Variants in SRRM4 observed in about 807,000 individuals in gnomAD.
SRRM4 encodes the protein serine/arginine repetitive matrix 4.
SRRM4 carries 33 observed loss-of-function variants against 68.9 expected under a neutral mutation model. The observed-to-expected ratio is 0.48, with a 90% CI of 0.36 to 0.64. The LOEUF is 0.64. Among genes scored for constraint, SRRM4 ranks in the 30% least tolerant of loss-of-function variants. The pLI, the probability that SRRM4 is intolerant of heterozygous loss-of-function variation, is 0.00. For missense variants in SRRM4, 817 were observed against 827.1 expected, an observed-to-expected ratio of 0.99 and a Z score of 0.15; for synonymous variants, 318 against 318.8, an observed-to-expected ratio of 1.00 and a Z score of 0.03.
At chr12:119,072,690 A>G (rs572567176) in intron 1 of SRRM4, among the ~76,000 whole-genome samples, 2 of 152,348 alleles carry the variant, frequency 1.3e-5, no homozygotes, top group South Asian at 4.1e-4. Context: ...AGTTATAGGC[A>G]GGTGGCTGGC....
At chr12:119,136,857 C>T (rs12229183) in intron 8 of SRRM4, among the ~76,000 whole-genome samples, 3 of 151,900 alleles carry the variant, frequency 2.0e-5, no homozygotes, top group Admixed American at 1.3e-4. Context: ...GGAGGCCAGA[C>T]CACCTCTGCC....
intron 1 of SRRM4, among the ~76,000 whole-genome samples, chr12:119,090,790 C>G (rs1319046652): frequency 6.6e-6 from 1 of 152,254 alleles, no homozygotes; most frequent in East Asian, 1.9e-4. Flanking sequence ...CAAAGGCTGG[C>G]CCAGCTCTGA....
intron 8 of SRRM4, among the ~76,000 whole-genome samples, chr12:119,134,008 G>A (rs1954312927): frequency 6.6e-6 from 1 of 152,092 alleles, no homozygotes; most frequent in Admixed American, 6.6e-5. Flanking sequence ...CAATGAAGGG[G>A]GAAAATAAAG....
chr12:119,043,229 G>A (rs979709971), intron 1 of SRRM4, among the ~76,000 whole-genome samples: 1 of 152,170 alleles, frequency 6.6e-6, no homozygotes, highest in African/African-American at 2.4e-5. Context: ...ATGAGATCAT[G>A]TCTTTTGCAG....
intron 1 of SRRM4, among the ~76,000 whole-genome samples, chr12:118,990,693 T>C (rs968302925): frequency 6.6e-6 from 1 of 152,240 alleles, no homozygotes; most frequent in African/African-American, 2.4e-5. Context: ...GCTTTCCTCT[T>C]TCCTTGCCCC....
chr12:119,154,209 C>T lies in SRRM4; in HGVS notation c.1392-34C>T. 1 of 1,568,454 alleles carries T rather than the reference C, an allele frequency of 6.4e-7. No individual in the cohort carries two copies. The highest frequency in any genetic ancestry group is 8.7e-7 in the Non-Finnish European group (1 of 1,153,450). On this transcript the variant is annotated intron_variant, in intron 11 of 12. Coordinates refer to ENST00000267260, the MANE Select transcript of SRRM4 (RefSeq NM_194286.4). The surrounding 1 kb of genome is among the most constrained non-coding windows in gnomAD (Gnocchi z 4.7). ...GCTCACGCAGAAAATCCAGCCCAGC[C>T]CCAGCTCCCCAGTAACCCCCCGCGC...
At chr12:118,987,416 C>T (rs1051230540) in intron 1 of SRRM4, among the ~76,000 whole-genome samples, 3 of 152,178 alleles carry the variant, frequency 2.0e-5, no homozygotes, top group Non-Finnish European at 2.9e-5. Flanking sequence ...GACTCCTGAG[C>T]AGCTCCAATG....
intron 1 of SRRM4, among the ~76,000 whole-genome samples, chr12:119,064,474 G>T (rs1438772123): frequency 6.6e-6 from 1 of 152,152 alleles, no homozygotes; most frequent in African/African-American, 2.4e-5. Flanking sequence ...GTCAGCCAAA[G>T]TCCTCTGGTT....
intron 3 of SRRM4, among the ~76,000 whole-genome samples, chr12:119,114,810 G>A (rs1476155332): frequency 3.3e-5 from 5 of 151,480 alleles, no homozygotes; most frequent in South Asian, 2.1e-4. Context: ...GACTACAGGC[G>A]CCCGCCACCA....
chr12:119,072,879 T>C (rs1953886308), intron 1 of SRRM4, among the ~76,000 whole-genome samples: 1 of 152,206 alleles, frequency 6.6e-6, no homozygotes, highest in South Asian at 2.1e-4. Flanking sequence ...TAACTGGGTC[T>C]CAATACTTTA....
In SRRM4 at chr12:119,008,114, T is replaced by C. The variant is rs552712469; in HGVS notation, c.131+26101T>C. 4.6e-5 allele frequency among the ~76,000 whole-genome samples: 7 copies of C among 152,236 alleles called. No homozygotes were observed. In the South Asian group the frequency reaches 8.3e-4, roughly 18 times the overall value. ...TAGAAGTTTTGGTATTATAAGAATA[T>C]GAATAGGCCTGGAGCAGTGGCTCAT... On this transcript the variant is annotated intron_variant, in intron 1 of 12. Transcript: ENST00000267260.
In SRRM4 at chr12:119,084,741, A is replaced by G. The variant is rs568000511; in HGVS notation, c.132-17495A>G. ...CGGTGGGGCAAAATAGAGAATTGCA[A>G]TGGAGGGGGATTGTGCACACAAAGA... is the stretch of plus-strand genomic sequence containing the variant. On this transcript the variant is annotated intron_variant, in intron 1 of 12. Transcript: ENST00000267260. 7.2e-5 allele frequency among the ~76,000 whole-genome samples: 11 copies of G among 152,170 alleles called. No homozygotes were observed. The South Asian group carries it at 1.0e-3, about 14-fold the overall frequency.
chr12:119,073,621 G>A (rs898712308), intron 1 of SRRM4, among the ~76,000 whole-genome samples: 3 of 151,218 alleles, frequency 2.0e-5, no homozygotes, highest in Non-Finnish European at 2.9e-5. Context: ...CATGGCACCC[G>A]GCCTCTCTCT....
At chr12:118,988,369 T>C (rs1161326389) in intron 1 of SRRM4, among the ~76,000 whole-genome samples, 1 of 152,206 alleles carries the variant, frequency 6.6e-6, no homozygotes. Context: ...GAACATTAAC[T>C]GTGGGGGAAT....
intron 4 of SRRM4, 89 bp from the exon 5 acceptor site, chr12:119,120,153 TTCTCTCCC>T (rs1954209961): frequency 2.9e-6 from 2 of 679,190 alleles, no homozygotes; most frequent in Non-Finnish European, 4.9e-6. Context: ...CTTTCTCTCC[TTCTCTCCC>T]TCTCTCCATC....
chr12:119,016,934 G>A (rs1255300889), intron 1 of SRRM4, among the ~76,000 whole-genome samples: 1 of 152,182 alleles, frequency 6.6e-6, no homozygotes, highest in African/African-American at 2.4e-5. Flanking sequence ...CTCATCTGTA[G>A]AATGGGGATT....
intron 1 of SRRM4, among the ~76,000 whole-genome samples, chr12:119,043,474 CA>C (rs1444853990): frequency 6.6e-6 from 1 of 152,070 alleles, no homozygotes; most frequent in African/African-American, 2.4e-5. Flanking sequence ...ATCTTTGCAG[CA>C]AACCACCATG....
chr12:119,026,270 A>G (rs1049659095), intron 1 of SRRM4, among the ~76,000 whole-genome samples: 36 of 152,146 alleles, frequency 2.4e-4, no homozygotes, highest in African/African-American at 8.2e-4. Flanking sequence ...GCTGCTGGAG[A>G]GGTTCAGGAA....
At chr12:119,086,061 G>A (rs1391077850) in intron 1 of SRRM4, among the ~76,000 whole-genome samples, 2 of 152,100 alleles carry the variant, frequency 1.3e-5, no homozygotes, top group African/African-American at 4.8e-5. Context: ...AAACACCTAG[G>A]CACTTATTGT....
Sources: gnomAD v4.1 joint callset for allele counts (sites outside exome capture counted in the v4.1 genomes callset) on GRCh38, gnomAD v4.1.1 for gene constraint, Gnocchi (gnomAD v3.1) non-coding constraint, MANE v1.5 for transcripts, NCBI Gene and HGNC (gene_info 2026-07-23, HGNC 2026-07-21) for gene names.